Variants in PTGFRN observed in about 807,000 individuals in gnomAD.
PTGFRN encodes the protein prostaglandin F2 receptor negative regulator.
Under a neutral mutation model 83.2 loss-of-function variants are expected in PTGFRN, and 35 were observed. The observed-to-expected ratio is 0.42, with a 90% CI of 0.32 to 0.56. The LOEUF is 0.56. PTGFRN is among the 20% of genes least tolerant of loss of function. The pLI, the probability that PTGFRN is intolerant of heterozygous loss-of-function variation, is 0.11. For synonymous variants in PTGFRN, 519 were observed against 498.6 expected, an observed-to-expected ratio of 1.04 and a Z score of -0.55; for missense variants, 1,051 against 1,179.5, an observed-to-expected ratio of 0.89 and a Z score of 1.60.
chr1:116,984,052 G>A (rs965169582), intron 7 of PTGFRN, among the ~76,000 whole-genome samples: 7 of 152,180 alleles, frequency 4.6e-5, no homozygotes, highest in Non-Finnish European at 1.0e-4. Flanking sequence ...CTCTGGGACT[G>A]TTAAACTGTG....
In PTGFRN at chr1:116,967,110, G is replaced by T. The variant is rs150391268; in HGVS notation, c.1839G>T (p.Val613=). The part of the protein sequence containing the change: ...KYIISLDQDS[V]VKLENWTDAS... The stretch of plus-strand genomic sequence containing the variant: ...TCATCTCTCTGGACCAGGATTCTGT[G>T]GTGAAGCTGGAGAATTGGACAGATG... Residue 613 remains valine, a synonymous_variant, in exon 6 of 9, where the codon GTG becomes GTT. Coordinates refer to ENST00000393203, the MANE Select transcript of PTGFRN (RefSeq NM_020440.4). 109 of 1,614,186 alleles carry T rather than the reference G, an allele frequency of 6.8e-5. No homozygotes were observed. In the African/African-American group the frequency reaches 1.3e-3, roughly 19 times the overall value.
chr1:116,937,658 G>T (rs149891675), intron 1 of PTGFRN, among the ~76,000 whole-genome samples: 1 of 152,294 alleles, frequency 6.6e-6, no homozygotes, highest in East Asian at 1.9e-4. Flanking sequence ...TAAAGATAGA[G>T]ACCTTACAAG....
In PTGFRN at chr1:116,949,296, G is replaced by T. The variant is rs761385816; in HGVS notation, c.937G>T (p.Val313Leu). The T allele has an allele frequency of 5.0e-6, 8 of 1,614,160 alleles. No individual in the cohort carries two copies. Among genetic ancestry groups the T allele is most frequent in the Admixed American group, 1.7e-5 (1 of 60,018 alleles). ...CCGAGCCGATGACGTCCGGCCCGAGGTGACGTGGTCCTTCAGCAGGATGCC... is the reference window on the plus strand; with the variant it reads ...CCGAGCCGATGACGTCCGGCCCGAGTTGACGTGGTCCTTCAGCAGGATGCC... ...TDRADDVRPE[V>L]TWSFSRMPDS... Residue 313 changes from valine (V) to leucine (L), a missense_variant, in exon 4 of 9, where the codon GTG (valine) becomes TTG (leucine). Transcript: ENST00000393203.
chr1:116,952,960 G>A lies in PTGFRN; in HGVS notation c.1213+3388G>A, dbSNP rs1029656309. 3.9e-5 allele frequency among the ~76,000 whole-genome samples: 6 copies of A among 152,176 alleles called. No homozygotes were observed. Among genetic ancestry groups the A allele is most frequent in the African/African-American group, 9.7e-5 (4 of 41,440 alleles). The stretch of plus-strand genomic sequence containing the variant: ...CAATTTAGTATATGTCTAAAACAGA[G>A]AACCTAGCAGAATGGCTAGTTAATC... On this transcript the variant is annotated intron_variant, in intron 4 of 8. Transcript: ENST00000393203. This position sits in a 1 kb window ranked among gnomAD's most constrained non-coding sequence, Gnocchi z 4.0.
At chr1:116,916,472 C>T (rs1380823554) in intron 1 of PTGFRN, among the ~76,000 whole-genome samples, 2 of 152,212 alleles carry the variant, frequency 1.3e-5, no homozygotes, top group African/African-American at 2.4e-5. Context: ...ATGGCTCTTC[C>T]TTGCTCTTCT....
At chr1:116,929,495 C>T (rs1649740338) in intron 1 of PTGFRN, among the ~76,000 whole-genome samples, 1 of 152,186 alleles carries the variant, frequency 6.6e-6, no homozygotes, top group South Asian at 2.1e-4. Context: ...TCATTGTGAT[C>T]AGTCACAGTG....
At chr1:116,979,168 G>A (rs1651240286) in intron 7 of PTGFRN, among the ~76,000 whole-genome samples, 1 of 152,150 alleles carries the variant, frequency 6.6e-6, no homozygotes, top group Admixed American at 6.5e-5. Flanking sequence ...TACAAGGGAT[G>A]TGAAGGACCT....
chr1:116,985,533 C>T (rs1379647689), intron 8 of PTGFRN, among the ~76,000 whole-genome samples: 1 of 151,816 alleles, frequency 6.6e-6, no homozygotes, highest in Non-Finnish European at 1.5e-5. Context: ...CCCGTCTCTA[C>T]TAAAAATACA....
chr1:116,960,929 C>A (rs1050050042), intron 4 of PTGFRN, among the ~76,000 whole-genome samples: 1 of 151,958 alleles, frequency 6.6e-6, no homozygotes, highest in Non-Finnish European at 1.5e-5. Context: ...TCTCAGAAGA[C>A]CTTAACCTCT....
chr1:116,950,946 A>G (rs948973879), intron 4 of PTGFRN, among the ~76,000 whole-genome samples: 1 of 152,218 alleles, frequency 6.6e-6, no homozygotes, highest in African/African-American at 2.4e-5. Context: ...CTCCTTAGCA[A>G]CCTTCAAAAT....
chr1:116,954,284 C>CTCCCCTCCCA (rs1557741819), intron 4 of PTGFRN, among the ~76,000 whole-genome samples: 2 of 152,138 alleles, frequency 1.3e-5, no homozygotes, highest in Non-Finnish European at 2.9e-5. Flanking sequence ...GGTAATGAGT[C>CTCCCCTCCCA]TCCCCTCCCA....
rs149801733 is a variant in PTGFRN at position 116,941,962 on chromosome 1, C to G, written c.297C>G (p.Asn99Lys). Residue 99 changes from asparagine to lysine, a missense_variant, in exon 2 of 9, where the codon AAC becomes AAG. Coordinates refer to ENST00000393203, the MANE Select transcript of PTGFRN (RefSeq NM_020440.4). This position sits in a 1 kb window ranked among gnomAD's most constrained non-coding sequence, Gnocchi z 5.0. ...AGATCCTGTTAAGGCGGACTGCCAA[C>G]GACGCCGTGGAGCTCCACATAAAGA... Reference protein sequence around the residue: ...RGEILLRRTANDAVELHIKNV... With the variant: ...RGEILLRRTAKDAVELHIKNV... The G allele has an allele frequency of 3.7e-6, 6 of 1,614,074 alleles. No individual in the cohort carries two copies. The highest frequency in any genetic ancestry group is 5.1e-6 in the Non-Finnish European group (6 of 1,180,050).
chr1:116,919,851 A>G (rs1490662168), intron 1 of PTGFRN, among the ~76,000 whole-genome samples: 1 of 152,258 alleles, frequency 6.6e-6, no homozygotes, highest in Admixed American at 6.5e-5. Context: ...TCAAGACAGG[A>G]GGCTTGGATT....
rs750587095 is a variant in PTGFRN at position 116,949,536 on chromosome 1, G to A, written c.1177G>A (p.Val393Met). 52 of 1,613,712 alleles carry A rather than the reference G, an allele frequency of 3.2e-5. No homozygotes were observed. The highest frequency in any genetic ancestry group is 1.2e-4 in the Admixed American group (7 of 60,010). The change falls in exon 4 of 9, where the codon GTG becomes ATG. Residue 393 changes from valine to methionine, a missense_variant. Around this residue, in one of 3 missense-constraint regions of PTGFRN, gnomAD observed 719 missense variants for 836.6 expected, o/e 0.86. Transcript: ENST00000393203. ...NRSWHKVAEA[V>M]SSPAGVGVTW... ...GAGCTGGCACAAAGTGGCAGAGGCCGTGTCTTCCCCAGCTGGTGTGGGTGT... is the reference window on the plus strand; with the variant it reads ...GAGCTGGCACAAAGTGGCAGAGGCCATGTCTTCCCCAGCTGGTGTGGGTGT...
intron 7 of PTGFRN, among the ~76,000 whole-genome samples, chr1:116,980,286 C>T (rs901334388): frequency 6.6e-6 from 1 of 152,150 alleles, no homozygotes; most frequent in Non-Finnish European, 1.5e-5. Flanking sequence ...CTAGTTCAAC[C>T]ATTGTGGAAG....
chr1:116,987,240 T>A lies in PTGFRN; in HGVS notation c.*273T>A. The A allele has an allele frequency of 2.8e-6, 1 of 363,298 alleles. No individual in the cohort carries two copies. Among genetic ancestry groups the A allele is most frequent in the Non-Finnish European group, 5.1e-6 (1 of 195,790 alleles). 22.5% of individuals were successfully genotyped at this position (363,298 alleles called of 1,614,324 possible). ...TTTAATGGTTAACCTTCATCTAATT[T>A]TTTTTCTCCCACTGGTTTATAGATC... On this transcript the variant is annotated 3_prime_UTR_variant, in exon 9 of 9. Coordinates refer to ENST00000393203, the MANE Select transcript of PTGFRN (RefSeq NM_020440.4).
intron 8 of PTGFRN, 87 bp downstream of exon 8, chr1:116,985,072 T>C (rs755365533): frequency 6.5e-4 from 908 of 1,387,616 alleles, no homozygotes; most frequent in Non-Finnish European, 8.7e-4. Flanking sequence ...GTGGCCACAG[T>C]TTGAGGAATG....
At chr1:116,980,543 A>G (rs1366091280) in intron 7 of PTGFRN, among the ~76,000 whole-genome samples, 1 of 152,236 alleles carries the variant, frequency 6.6e-6, no homozygotes, top group African/African-American at 2.4e-5. Context: ...GGATGAGTTC[A>G]TGTCCTTTGT....
intron 8 of PTGFRN, 108 bp downstream of exon 8, chr1:116,985,093 C>T (rs1651426470): frequency 8.5e-6 from 10 of 1,173,348 alleles, no homozygotes; most frequent in South Asian, 3.0e-5. Context: ...TGCCATAGCA[C>T]GTCCTGCTTT....
Sources: gnomAD v4.1 joint callset for allele counts (sites outside exome capture counted in the v4.1 genomes callset) on GRCh38, gnomAD v4.1.1 for gene constraint, gnomAD v4.1.1 regional missense constraint, Gnocchi (gnomAD v3.1) non-coding constraint, MANE v1.5 for transcripts, NCBI Gene and HGNC (gene_info 2026-07-23, HGNC 2026-07-21) for gene names.